SLC2A9: variants seen among roughly 807,000 people sequenced by gnomAD.
SLC2A9 encodes the protein solute carrier family 2 member 9.
A neutral mutation model predicts 50.6 loss-of-function variants in SLC2A9; 39 were observed. The ratio of observed to expected loss-of-function variants is 0.77; its 90% CI spans 0.60 to 1.01. SLC2A9 has a LOEUF of 1.01. Ranked by LOEUF, SLC2A9 falls within the 50% of genes least tolerant of loss-of-function variation. The pLI is 0.00. For synonymous variants in SLC2A9, 324 were observed against 276.9 expected (o/e 1.17, Z -1.69); for missense variants, 686 against 677.6 (o/e 1.01, Z -0.14).
At chr4:9,899,216 G>A (rs910559411) in intron 8 of SLC2A9, among the ~76,000 whole-genome samples, 2 of 152,208 alleles carry the variant, frequency 1.3e-5, no homozygotes, top group Non-Finnish European at 2.9e-5. Flanking sequence ...AGTACCTGAG[G>A]AACCCTTGGC....
intron 2 of SLC2A9, among the ~76,000 whole-genome samples, chr4:10,002,893 C>T (rs924154740): frequency 2.0e-5 from 3 of 152,102 alleles, no homozygotes; most frequent in Non-Finnish European, 4.4e-5. Flanking sequence ...ATCAACTAAG[C>T]CTTTGCTTGG....
chr4:9,886,043 G>A (rs571742232), intron 10 of SLC2A9, among the ~76,000 whole-genome samples: 1 of 152,336 alleles, frequency 6.6e-6, no homozygotes, highest in Non-Finnish European at 1.5e-5. Flanking sequence ...GTGTGCATGT[G>A]TGTGTGAGTG....
chr4:10,018,729 C>T (rs1763079598), intron 2 of SLC2A9, among the ~76,000 whole-genome samples: 1 of 151,724 alleles, frequency 6.6e-6, no homozygotes, highest in African/African-American at 2.4e-5. Flanking sequence ...CTCATCTAGT[C>T]TCCCAACGTT....
At chr4:9,940,976 CA>C (rs1748014577) in intron 6 of SLC2A9, among the ~76,000 whole-genome samples, 1 of 152,178 alleles carries the variant, frequency 6.6e-6, no homozygotes, top group South Asian at 2.1e-4. Flanking sequence ...TCAGTCCTCA[CA>C]ATGGCCCCAT....
chr4:9,978,716 C>A (rs1191182938), intron 5 of SLC2A9, among the ~76,000 whole-genome samples: 1 of 152,198 alleles, frequency 6.6e-6, no homozygotes, highest in Non-Finnish European at 1.5e-5. Flanking sequence ...TGAGTTGTTT[C>A]TGTTTTTGCA....
chr4:9,834,248 C>T (rs1045218367), intron 11 of SLC2A9, among the ~76,000 whole-genome samples: 2 of 152,194 alleles, frequency 1.3e-5, no homozygotes, highest in African/African-American at 2.4e-5. Flanking sequence ...TTTGTTTCCC[C>T]GTTCAGCTCC....
intron 10 of SLC2A9, among the ~76,000 whole-genome samples, chr4:9,852,591 T>C (rs1730143117): frequency 6.6e-6 from 1 of 152,210 alleles, no homozygotes; most frequent in African/African-American, 2.4e-5. Flanking sequence ...ATCAAGAATT[T>C]TGTAGCCAGT....
At chr4:9,996,739 A>T in intron 3 of SLC2A9, 42 bp downstream of exon 3, 1 of 1,607,948 alleles carries the variant, frequency 6.2e-7, no homozygotes, top group Non-Finnish European at 8.5e-7. Context: ...ATATATTATG[A>T]ACATGGAGGG....
chr4:9,914,201 C>T (rs1465571007), intron 7 of SLC2A9, among the ~76,000 whole-genome samples: 1 of 152,132 alleles, frequency 6.6e-6, no homozygotes, highest in East Asian at 1.9e-4. Context: ...GGTGCTAAGT[C>T]CTATGGAGCA....
At chr4:10,016,925 C>T (rs56249995) in intron 2 of SLC2A9, among the ~76,000 whole-genome samples, 2,552 of 152,138 alleles carry the variant, frequency 0.017, 59 homozygotes, top group African/African-American at 0.057. Context: ...GCTTTTCCAC[C>T]TCTTCTTTCA....
intron 8 of SLC2A9, among the ~76,000 whole-genome samples, chr4:9,905,487 G>C (rs1345101675): frequency 6.6e-6 from 1 of 152,208 alleles, no homozygotes; most frequent in East Asian, 1.9e-4. Context: ...TGGCAGGAGT[G>C]CTCTCCAGAG....
intron 10 of SLC2A9, among the ~76,000 whole-genome samples, chr4:9,861,222 A>G (rs545957514): frequency 6.6e-6 from 1 of 152,282 alleles, no homozygotes; most frequent in Admixed American, 6.5e-5. Flanking sequence ...TCTTCCAATC[A>G]CGGTGGAAGG....
chr4:9,865,238 T>A (rs917474497), intron 10 of SLC2A9, among the ~76,000 whole-genome samples: 2 of 152,258 alleles, frequency 1.3e-5, no homozygotes, highest in Admixed American at 6.5e-5. Flanking sequence ...TCAGCTAATG[T>A]GCAGAAGCCA....
intron 1 of SLC2A9, among the ~76,000 whole-genome samples, chr4:10,039,455 T>C (rs182977573): frequency 6.6e-6 from 1 of 152,318 alleles, no homozygotes; most frequent in East Asian, 1.9e-4. Flanking sequence ...AGTGAACACT[T>C]CTTTTCCCCC....
intron 5 of SLC2A9, among the ~76,000 whole-genome samples, chr4:9,951,283 T>TA (rs1276564290): frequency 6.6e-6 from 1 of 151,210 alleles, no homozygotes; most frequent in Non-Finnish European, 1.5e-5. Context: ...ATGTGGAAGC[T>TA]AAAAAATTTG....
intron 10 of SLC2A9, among the ~76,000 whole-genome samples, chr4:9,863,735 G>C (rs757534543): frequency 1.3e-5 from 2 of 152,070 alleles, no homozygotes; most frequent in Non-Finnish European, 2.9e-5. Context: ...TGATGAATGA[G>C]ACTTCACAGT....
At chr4:9,786,137 A>G (rs937483551) in intron 3 of SLC2A9, among the ~76,000 whole-genome samples, 3 of 152,194 alleles carry the variant, frequency 2.0e-5, no homozygotes, top group Non-Finnish European at 4.4e-5. Context: ...TAATTGCTGT[A>G]GCAGCAATTG....
chr4:10,026,059 C>T, upstream of SLC2A9: 4 of 1,350,934 alleles, frequency 3.0e-6, no homozygotes, highest in Non-Finnish European at 4.2e-6. Flanking sequence ...CTCAGATGTG[C>T]AAGTCAGGGG....
intron 5 of SLC2A9, among the ~76,000 whole-genome samples, chr4:9,958,982 G>A (rs916760630): frequency 3.6e-5 from 4 of 112,218 alleles, no homozygotes; most frequent in Non-Finnish European, 5.4e-5. Flanking sequence ...AAGGTTGTAC[G>A]AGAAAGGAAA....
Sources: allele counts gnomAD v4.1 joint callset (sites outside exome capture counted in the v4.1 genomes callset), GRCh38; gene constraint gnomAD v4.1.1; transcripts MANE v1.5; gene names NCBI Gene and HGNC (gene_info 2026-07-23, HGNC 2026-07-21).